Variants in PDE1A observed in about 807,000 individuals in gnomAD.
PDE1A encodes the protein dual specificity calcium/calmodulin-dependent 3',5'-cyclic nucleotide phosphodiesterase 1A.
Under a neutral mutation model 61.7 loss-of-function variants are expected in PDE1A, and 35 were observed. That is an observed-to-expected ratio of 0.57 (90% CI 0.43 to 0.75). The LOEUF is 0.75. Ranked by LOEUF, PDE1A falls within the 30% of genes least tolerant of loss-of-function variation. The pLI, the probability that PDE1A is intolerant of heterozygous loss-of-function variation, is 0.00. For synonymous variants in PDE1A, 232 were observed against 213.2 expected, an observed-to-expected ratio of 1.09 and a Z score of -0.77; for missense variants, 597 against 630.6, an observed-to-expected ratio of 0.95 and a Z score of 0.57.
intron 7 of PDE1A, among the ~76,000 whole-genome samples, chr2:182,208,412 C>T (rs1202709215): frequency 6.6e-6 from 1 of 152,118 alleles, no homozygotes; most frequent in Non-Finnish European, 1.5e-5. Flanking sequence ...TGAGAATTCC[C>T]TCACTATTAT....
chr2:182,339,739 C>T (rs1249690778), intron 1 of PDE1A, among the ~76,000 whole-genome samples: 1 of 152,136 alleles, frequency 6.6e-6, no homozygotes, highest in Non-Finnish European at 1.5e-5. Flanking sequence ...GTTCCAAAAC[C>T]TGCCCACTCA....
At chr2:182,492,906 T>C (rs1688479487) in intron 2 of PDE1A, among the ~76,000 whole-genome samples, 1 of 152,036 alleles carries the variant, frequency 6.6e-6, no homozygotes, top group South Asian at 2.1e-4. Flanking sequence ...ATGCACATAC[T>C]AAAACGTGTG....
chr2:182,523,021 A>T (rs1296810261), upstream of PDE1A: 1 of 152,244 alleles, frequency 6.6e-6, no homozygotes, highest in Non-Finnish European at 1.5e-5. Flanking sequence ...TAACATCTAA[A>T]GCCATACAGA....
At chr2:182,316,447 T>C (rs76213046) in intron 1 of PDE1A, among the ~76,000 whole-genome samples, 2,407 of 152,232 alleles carry the variant, frequency 0.016, 36 homozygotes, top group South Asian at 0.067. Context: ...TGCCCAAGAC[T>C]ATATGTTTGG....
chr2:182,622,075 T>A, the PDE1A span, among the ~76,000 whole-genome samples: 85 of 152,284 alleles, frequency 5.6e-4, no homozygotes, highest in Middle Eastern at 6.8e-3. Context: ...TAGAGAGGAA[T>A]TGAGGGTTAA....
the PDE1A span, among the ~76,000 whole-genome samples, chr2:182,579,818 AG>A: frequency 3.3e-5 from 5 of 152,338 alleles, 1 homozygote; most frequent in African/African-American, 1.2e-4. Flanking sequence ...TTTGGACAAA[AG>A]AATGATCATT....
At chr2:182,338,822 G>A (rs951777418) in intron 1 of PDE1A, among the ~76,000 whole-genome samples, 3 of 152,018 alleles carry the variant, frequency 2.0e-5, no homozygotes, top group Non-Finnish European at 2.9e-5. Flanking sequence ...GTGCCCAGCC[G>A]GTTTTATTTT....
At chr2:182,502,281 A>AT (rs1285728047) in intron 2 of PDE1A, among the ~76,000 whole-genome samples, 1 of 152,196 alleles carries the variant, frequency 6.6e-6, no homozygotes, top group African/African-American at 2.4e-5. Context: ...AGGTAAAGAC[A>AT]TAAGTCCCCT....
At chr2:182,565,712 C>T in the PDE1A span, among the ~76,000 whole-genome samples, 3 of 152,112 alleles carry the variant, frequency 2.0e-5, no homozygotes, top group Non-Finnish European at 2.9e-5. Context: ...GACTCACATG[C>T]TATTTATTAG....
chr2:182,657,131 G>A, the PDE1A span, among the ~76,000 whole-genome samples: 2 of 152,278 alleles, frequency 1.3e-5, no homozygotes, highest in East Asian at 3.9e-4. Context: ...GCTGAGGCAG[G>A]AGAATCGCTT....
intron 1 of PDE1A, among the ~76,000 whole-genome samples, chr2:182,336,461 C>A (rs577789368): frequency 6.6e-6 from 1 of 152,202 alleles, no homozygotes; most frequent in East Asian, 1.9e-4. Context: ...AGTTCATGTC[C>A]TTTGCAGGGA....
At chr2:182,457,273 C>T (rs1559481454) in intron 2 of PDE1A, among the ~76,000 whole-genome samples, 1 of 151,838 alleles carries the variant, frequency 6.6e-6, no homozygotes. Flanking sequence ...AGCTGGTGGC[C>T]TCTTATTTTA....
the PDE1A span, among the ~76,000 whole-genome samples, chr2:182,534,756 T>C: frequency 6.6e-6 from 1 of 151,952 alleles, no homozygotes; most frequent in Non-Finnish European, 1.5e-5. Flanking sequence ...TCAATTTTTA[T>C]TGAATTTTTT....
intron 1 of PDE1A, among the ~76,000 whole-genome samples, chr2:182,281,599 C>A (rs1268131085): frequency 1.3e-5 from 2 of 151,952 alleles, no homozygotes; most frequent in Non-Finnish European, 2.9e-5. Flanking sequence ...ACTGTGCATA[C>A]TCTATGTACA....
At chr2:182,427,280 C>A (rs115213426), upstream of PDE1A, among the ~76,000 whole-genome samples, 1 of 152,102 alleles carries the variant, frequency 6.6e-6, no homozygotes, top group South Asian at 2.1e-4. Flanking sequence ...AGTGTGGAGA[C>A]GACTCATCAT....
intron 2 of PDE1A, among the ~76,000 whole-genome samples, chr2:182,467,042 G>A (rs1374316488): frequency 6.6e-6 from 1 of 151,546 alleles, no homozygotes; most frequent in Admixed American, 6.6e-5. Context: ...TGTATGCATA[G>A]CTTATATCTT....
At chr2:182,169,719 A>G (rs1051835326) in intron 13 of PDE1A, among the ~76,000 whole-genome samples, 1 of 152,030 alleles carries the variant, frequency 6.6e-6, no homozygotes, top group Non-Finnish European at 1.5e-5. Context: ...AGAGTACATC[A>G]TCTGATAATT....
chr2:182,498,787 A>G (rs535741962), intron 2 of PDE1A, among the ~76,000 whole-genome samples: 11 of 152,020 alleles, frequency 7.2e-5, no homozygotes, highest in African/African-American at 2.6e-4. Flanking sequence ...TACTAAAAAT[A>G]CAAAAAATTA....
intron 2 of PDE1A, among the ~76,000 whole-genome samples, chr2:182,451,412 A>G (rs1425600907): frequency 6.6e-6 from 1 of 151,742 alleles, no homozygotes; most frequent in Admixed American, 6.6e-5. Context: ...TTTTAACTAT[A>G]CAAATGCATA....
Sources: gnomAD v4.1 joint callset for allele counts (sites outside exome capture counted in the v4.1 genomes callset) on GRCh38, gnomAD v4.1.1 for gene constraint, MANE v1.5 for transcripts, NCBI Gene and HGNC (gene_info 2026-07-23, HGNC 2026-07-21) for gene names.